RALGPS2: variants seen among roughly 807,000 people sequenced by gnomAD.
RALGPS2 encodes the protein Ral GEF with PH domain and SH3 binding motif 2, also known as ras-specific guanine nucleotide-releasing factor RalGPS2.
In RALGPS2, 43 loss-of-function variants were observed where a neutral mutation model predicts 86.8. The ratio of observed to expected loss-of-function variants is 0.50; its 90% CI spans 0.39 to 0.64. The LOEUF (loss-of-function observed/expected upper bound fraction) is 0.64. RALGPS2 is among the 30% of genes least tolerant of loss of function. RALGPS2 has a pLI of 0.00. For synonymous variants in RALGPS2, 243 were observed against 231.3 expected (o/e 1.05, Z -0.46); for missense variants, 536 against 694.6 (o/e 0.77, Z 2.57).
chr1:178,731,283 T>G (rs1333285877), intron 1 of RALGPS2, among the ~76,000 whole-genome samples: 8 of 115,600 alleles, frequency 6.9e-5, no homozygotes, highest in South Asian at 6.3e-4. Flanking sequence ...TTTTTTTTTT[T>G]TTTTTTTTTT....
intron 4 of RALGPS2, among the ~76,000 whole-genome samples, chr1:178,806,792 C>T (rs1654770455): frequency 6.6e-6 from 1 of 151,962 alleles, no homozygotes; most frequent in South Asian, 2.1e-4. Flanking sequence ...AACTCTATTT[C>T]CTCAGTTCTT....
At chr1:178,801,895 C>G (rs1654495797) in intron 4 of RALGPS2, among the ~76,000 whole-genome samples, 1 of 152,044 alleles carries the variant, frequency 6.6e-6, no homozygotes, top group Non-Finnish European at 1.5e-5. Context: ...TTGAAGCCCT[C>G]CATTCTAAAG....
At chr1:178,895,953 A>G (rs889632937) in intron 16 of RALGPS2, among the ~76,000 whole-genome samples, 1 of 152,068 alleles carries the variant, frequency 6.6e-6, no homozygotes, top group African/African-American at 2.4e-5. Flanking sequence ...ATGGAACTGG[A>G]TGATAGATTA....
intron 17 of RALGPS2, among the ~76,000 whole-genome samples, chr1:178,901,193 A>G (rs1660158121): frequency 6.6e-6 from 1 of 152,006 alleles, no homozygotes; most frequent in South Asian, 2.1e-4. Context: ...GTACATTTTA[A>G]AGCATAATAA....
At chr1:178,822,093 T>G (rs1185030776) in intron 7 of RALGPS2, among the ~76,000 whole-genome samples, 1 of 152,220 alleles carries the variant, frequency 6.6e-6, no homozygotes, top group Non-Finnish European at 1.5e-5. Flanking sequence ...AAAATTTTAC[T>G]GATTTCAATT....
intron 5 of RALGPS2, among the ~76,000 whole-genome samples, chr1:178,808,688 C>G (rs1299977389): frequency 6.6e-6 from 1 of 151,990 alleles, no homozygotes; most frequent in African/African-American, 2.4e-5. Context: ...TGAGGGAATA[C>G]ATTATTCTAA....
chr1:178,748,848 C>G (rs929444474), intron 1 of RALGPS2, among the ~76,000 whole-genome samples: 9 of 101,666 alleles, frequency 8.9e-5, no homozygotes, highest in Admixed American at 7.7e-4. Context: ...GAGACTCTGT[C>G]TCAAAAAAAA....
chr1:178,811,035 T>C (rs1358836963), intron 5 of RALGPS2, among the ~76,000 whole-genome samples: 1 of 152,088 alleles, frequency 6.6e-6, no homozygotes, highest in African/African-American at 2.4e-5. Flanking sequence ...TGAAATGCAG[T>C]TTTAATCTTA....
chr1:178,777,180 C>CAA (rs1236818919), intron 2 of RALGPS2, among the ~76,000 whole-genome samples: 1 of 145,930 alleles, frequency 6.9e-6, no homozygotes, highest in Non-Finnish European at 1.5e-5. Flanking sequence ...AGCTGATAAG[C>CAA]AACTTCAGCA....
chr1:178,776,896 C>T (rs75184054), intron 2 of RALGPS2, 75 bp downstream of exon 2: 336,506 of 1,185,944 alleles, frequency 0.28, 51,968 homozygotes, highest in Non-Finnish European at 0.32. Context: ...TGTTTGTTCA[C>T]ATACTTAAAT....
Position 178,892,318 on chromosome 1 carries a change from C to T in RALGPS2, c.1325+11C>T. 6.2e-6 allele frequency: 10 copies of T among 1,610,866 alleles called. No homozygotes were observed. The highest frequency in any genetic ancestry group is 8.5e-6 in the Non-Finnish European group (10 of 1,177,612). On this transcript the variant is annotated intron_variant, in intron 15 of 19. Transcript: ENST00000367635. ...CATGAAGGCCAGCAGGTACAATTCCCCTGCATTCAGGGGTCACAGAACTCC... is the reference window on the plus strand; with the variant it reads ...CATGAAGGCCAGCAGGTACAATTCCTCTGCATTCAGGGGTCACAGAACTCC...
At chr1:178,807,653 T>G (rs1654805231) in intron 4 of RALGPS2, among the ~76,000 whole-genome samples, 1 of 152,150 alleles carries the variant, frequency 6.6e-6, no homozygotes, top group Non-Finnish European at 1.5e-5. Flanking sequence ...GTGTTTGGGG[T>G]AATTGACTGT....
intron 1 of RALGPS2, among the ~76,000 whole-genome samples, chr1:178,770,143 A>G (rs1204474977): frequency 2.0e-5 from 3 of 151,752 alleles, no homozygotes; most frequent in African/African-American, 7.3e-5. Context: ...CAGTGTCCTA[A>G]GTAGCTGGGA....
At chr1:178,890,709 A>G (rs753041761) in intron 14 of RALGPS2, among the ~76,000 whole-genome samples, 2 of 151,982 alleles carry the variant, frequency 1.3e-5, no homozygotes, top group African/African-American at 2.4e-5. Context: ...GATTTTGTTT[A>G]TAAGTTCTAC....
intron 8 of RALGPS2, among the ~76,000 whole-genome samples, chr1:178,871,574 G>A (rs1464863644): frequency 6.6e-6 from 1 of 152,164 alleles, no homozygotes; most frequent in African/African-American, 2.4e-5. Flanking sequence ...TGTTGTTGTA[G>A]TATGTTATGT....
At chr1:178,847,818 C>G (rs1293867827) in intron 8 of RALGPS2, among the ~76,000 whole-genome samples, 2 of 152,128 alleles carry the variant, frequency 1.3e-5, no homozygotes, top group Admixed American at 1.3e-4. Context: ...GAAAATTGAT[C>G]TTTATTCTAC....
intron 8 of RALGPS2, among the ~76,000 whole-genome samples, chr1:178,869,981 A>G (rs1384242904): frequency 1.3e-5 from 2 of 152,112 alleles, no homozygotes; most frequent in East Asian, 3.9e-4. Context: ...GAATTTAATT[A>G]CATCTTCTGG....
chr1:178,831,630 C>T (rs1656023845), intron 7 of RALGPS2, among the ~76,000 whole-genome samples: 2 of 148,374 alleles, frequency 1.3e-5, no homozygotes, highest in South Asian at 2.2e-4. Flanking sequence ...CCGCCCCGCC[C>T]CCCCCACCCC....
At chr1:178,821,901 A>G (rs1314666812) in intron 7 of RALGPS2, among the ~76,000 whole-genome samples, 197 bp downstream of exon 7, 1 of 152,148 alleles carries the variant, frequency 6.6e-6, no homozygotes, top group Non-Finnish European at 1.5e-5. Context: ...ATTTTTGGGT[A>G]CAGCTTGGTG....
Sources: allele counts gnomAD v4.1 joint callset (sites outside exome capture counted in the v4.1 genomes callset), GRCh38; gene constraint gnomAD v4.1.1; transcripts MANE v1.5; gene names NCBI Gene and HGNC (gene_info 2026-07-23, HGNC 2026-07-21).